The following CTNND2 variants were observed in gnomAD, a reference collection of about 807,000 sequenced individuals.
The protein encoded by CTNND2 is catenin delta-2.
In CTNND2, 22 loss-of-function variants were observed where a neutral mutation model predicts 144.4. The ratio of observed to expected loss-of-function variants is 0.15; its 90% CI spans 0.11 to 0.22. CTNND2 has a LOEUF of 0.22. CTNND2 is among the 10% of genes least tolerant of loss of function. The pLI is 1.00. For missense variants in CTNND2, 1,353 were observed against 1,618.8 expected (o/e 0.84, Z 2.82); for synonymous variants, 751 against 695.6 (o/e 1.08, Z -1.25).
At chr5:11,197,333 C>T (rs887820253) in intron 11 of CTNND2, among the ~76,000 whole-genome samples, 1 of 152,212 alleles carries the variant, frequency 6.6e-6, no homozygotes, top group South Asian at 2.1e-4. Context: ...GAAGTAACAA[C>T]CACTGTCCAT....
At chr5:11,886,424 A>G (rs1736536465) in intron 1 of CTNND2, among the ~76,000 whole-genome samples, 1 of 152,140 alleles carries the variant, frequency 6.6e-6, no homozygotes, top group African/African-American at 2.4e-5. Context: ...ACTGTATGCC[A>G]AAAAAATTGG....
chr5:11,320,814 G>T (rs1047126327), intron 9 of CTNND2, among the ~76,000 whole-genome samples: 4 of 151,964 alleles, frequency 2.6e-5, no homozygotes, highest in African/African-American at 9.7e-5. Context: ...ATTTAGGTGG[G>T]GACACAAAGC....
chr5:11,098,430 G>C (rs1751571465), intron 15 of CTNND2, 145 bp downstream of exon 15: 4 of 700,908 alleles, frequency 5.7e-6, no homozygotes, highest in East Asian at 5.5e-5. Context: ...ACATTTCCAA[G>C]TAAAACAGTT....
At chr5:11,341,744 A>G (rs1362778183) in intron 9 of CTNND2, among the ~76,000 whole-genome samples, 1 of 152,138 alleles carries the variant, frequency 6.6e-6, no homozygotes, top group Non-Finnish European at 1.5e-5. Context: ...ACTGTAGCTC[A>G]TGCTTGCAAC....
intron 9 of CTNND2, among the ~76,000 whole-genome samples, chr5:11,262,421 T>G (rs1323198423): frequency 6.6e-6 from 1 of 152,126 alleles, no homozygotes; most frequent in Admixed American, 6.5e-5. Flanking sequence ...CTAGACTGGA[T>G]GTTGCCCAGT....
At chr5:11,756,836 C>T (rs1244730015) in intron 1 of CTNND2, among the ~76,000 whole-genome samples, 1 of 151,430 alleles carries the variant, frequency 6.6e-6, no homozygotes, top group Non-Finnish European at 1.5e-5. Flanking sequence ...CTCTCCTCTA[C>T]AAATGTTGTT....
Position 11,385,110 on chromosome 5 carries a change from C to T in CTNND2, c.732G>A (p.Pro244=), listed in dbSNP as rs552782781. 4.9e-6 allele frequency: 5 copies of T among 1,026,030 alleles called. No individual in the cohort carries two copies. In the African/African-American group the frequency reaches 7.1e-5, roughly 15 times the overall value. 63.6% of individuals were successfully genotyped at this position (1,026,030 alleles called of 1,614,324 possible). The change falls in exon 7 of 22, where the codon CCG becomes CCA. Residue 244 remains proline, a synonymous_variant. Coordinates refer to ENST00000304623, the MANE Select transcript of CTNND2 (RefSeq NM_001332.4). ...LGSAFHLPDA[P]PAAAAAALYY... ...AGAGCGCGGCGGCGGCGGCGGCGGG[C>T]GGCGCGTCGGGCAGGTGGAAGGCGC...
At chr5:11,636,269 G>C (rs917247028) in intron 2 of CTNND2, among the ~76,000 whole-genome samples, 2 of 152,054 alleles carry the variant, frequency 1.3e-5, no homozygotes, top group African/African-American at 4.8e-5. Flanking sequence ...TCAAACCTCT[G>C]CCCGCTCCAG....
intron 9 of CTNND2, among the ~76,000 whole-genome samples, chr5:11,298,868 G>C (rs1343304379): frequency 6.6e-6 from 1 of 152,184 alleles, no homozygotes; most frequent in African/African-American, 2.4e-5. Flanking sequence ...TAGTACCTCA[G>C]AGGGTTTTTG....
At chr5:11,106,324 G>T (rs1752425217) in intron 14 of CTNND2, among the ~76,000 whole-genome samples, 1 of 152,214 alleles carries the variant, frequency 6.6e-6, no homozygotes, top group Admixed American at 6.5e-5. Context: ...TAGGGGATTG[G>T]TTCGCCACGT....
At chr5:11,234,937 A>G (rs1474541274) in intron 10 of CTNND2, among the ~76,000 whole-genome samples, 1 of 152,152 alleles carries the variant, frequency 6.6e-6, no homozygotes, top group Non-Finnish European at 1.5e-5. Context: ...CCCACTTCCC[A>G]CAACCATAAA....
At chr5:11,796,579 A>G (rs1341733443) in intron 1 of CTNND2, among the ~76,000 whole-genome samples, 1 of 143,536 alleles carries the variant, frequency 7.0e-6, no homozygotes, top group African/African-American at 2.5e-5. Flanking sequence ...TTTACTTCTT[A>G]TAGCTTTCCT....
intron 2 of CTNND2, among the ~76,000 whole-genome samples, chr5:11,728,002 T>C (rs372548688): frequency 3.3e-5 from 5 of 152,332 alleles, no homozygotes; most frequent in East Asian, 3.9e-4. Context: ...AAGTTACTTT[T>C]GAAATTCTAA....
intron 2 of CTNND2, among the ~76,000 whole-genome samples, chr5:11,711,377 AT>A (rs952688890): frequency 1.3e-5 from 2 of 152,106 alleles, no homozygotes; most frequent in African/African-American, 2.4e-5. Flanking sequence ...ATTTGATAGC[AT>A]TTTTTTATAT....
intron 11 of CTNND2, among the ~76,000 whole-genome samples, chr5:11,196,224 T>C (rs1736845933): frequency 6.6e-6 from 1 of 152,230 alleles, no homozygotes; most frequent in Non-Finnish European, 1.5e-5. Context: ...AGGTCTAATC[T>C]AAAATCTGGT....
intron 1 of CTNND2, among the ~76,000 whole-genome samples, chr5:11,748,544 C>T (rs1262369077): frequency 1.3e-5 from 2 of 151,896 alleles, no homozygotes; most frequent in African/African-American, 4.8e-5. Context: ...ACTTTTTTGC[C>T]AATTTGTTTT....
At chr5:11,086,613 C>T (rs903676401) in intron 15 of CTNND2, among the ~76,000 whole-genome samples, 1 of 152,194 alleles carries the variant, frequency 6.6e-6, no homozygotes, top group Non-Finnish European at 1.5e-5. Flanking sequence ...AACAAAGATA[C>T]TTGCACACAA....
chr5:11,499,047 T>A (rs1242991915), intron 3 of CTNND2, among the ~76,000 whole-genome samples: 1 of 152,178 alleles, frequency 6.6e-6, no homozygotes, highest in Non-Finnish European at 1.5e-5. Flanking sequence ...ATAGGACAAT[T>A]AAATTTCTTG....
At chr5:11,902,303 G>A (rs61761561) in intron 1 of CTNND2, among the ~76,000 whole-genome samples, 2,623 of 152,228 alleles carry the variant, frequency 0.017, 30 homozygotes, top group Middle Eastern at 0.034. Context: ...CATCTAGTTC[G>A]TATTTGAGGA....
Sources: gnomAD v4.1 joint callset for allele counts (sites outside exome capture counted in the v4.1 genomes callset) on GRCh38, gnomAD v4.1.1 for gene constraint, MANE v1.5 for transcripts, NCBI Gene and HGNC (gene_info 2026-07-23, HGNC 2026-07-21) for gene names.